Variants in MYO7B observed in about 807,000 individuals in gnomAD.
MYO7B encodes the protein myosin VIIB.
In MYO7B, 212 loss-of-function variants were observed where a neutral mutation model predicts 259.7. That is an observed-to-expected ratio of 0.82 (90% confidence interval 0.73 to 0.91). MYO7B has a LOEUF of 0.91. Among genes scored for constraint, MYO7B ranks in the 40% least tolerant of loss-of-function variants. The pLI is 0.00. For synonymous variants in MYO7B, 1,197 were observed against 1,166.4 expected, an observed-to-expected ratio of 1.03 and a Z score of -0.54; for missense variants, 2,732 against 2,813.5, an observed-to-expected ratio of 0.97 and a Z score of 0.66.
chr2:127,571,010 T>C (rs571708620), intron 6 of MYO7B, among the ~76,000 whole-genome samples: 9 of 152,246 alleles, frequency 5.9e-5, no homozygotes, highest in Non-Finnish European at 5.9e-5. Flanking sequence ...GGGTTGTTTA[T>C]CGTTTTTAGC....
chr2:127,551,393 C>T (rs1440378828), intron 1 of MYO7B, among the ~76,000 whole-genome samples: 1 of 152,182 alleles, frequency 6.6e-6, no homozygotes, highest in Non-Finnish European at 1.5e-5. Context: ...TCAGTTCTCA[C>T]AACACGGGCC....
intron 19 of MYO7B, among the ~76,000 whole-genome samples, chr2:127,602,918 T>C (rs1198896782): frequency 6.6e-6 from 1 of 151,846 alleles, no homozygotes; most frequent in Non-Finnish European, 1.5e-5. Flanking sequence ...GAGGATTACT[T>C]GAGCCTGGGA....
chr2:127,579,192 C>T (rs1441406985), intron 9 of MYO7B, among the ~76,000 whole-genome samples: 2 of 151,962 alleles, frequency 1.3e-5, no homozygotes, highest in Non-Finnish European at 2.9e-5. Context: ...AGGGAGCACA[C>T]CTTTCATTGG....
Position 127,584,288 on chromosome 2 carries a change from A to G in MYO7B, c.1510A>G (p.Met504Val), listed in dbSNP as rs1379655380. 6.2e-7 allele frequency: 1 copy of G among 1,613,992 alleles called. No homozygotes were observed. Among genetic ancestry groups the G allele is most frequent in the Non-Finnish European group, 8.5e-7 (1 of 1,179,886 alleles). The change falls in exon 13 of 48, where the codon ATG becomes GTG. Residue 504 changes from methionine to valine, a missense_variant. Physicochemically the swap from Met to Val is conservative, Grantham distance 21. Transcript: ENST00000409816. The surrounding 1 kb of genome is among the most constrained non-coding windows in gnomAD (Gnocchi z 5.8). ...CCTGGACCTGCTGGCCCTCAAGCCC[A>G]TGAGCATCATCTCCCTCCTGGACGA... ...PTLDLLALKP[M>V]SIISLLDEES...
chr2:127,613,086 T>C lies in MYO7B; in HGVS notation c.3398+483T>C, dbSNP rs1680449619. Among the ~76,000 whole-genome samples the C allele has an allele frequency of 6.6e-6, 1 of 152,228 alleles. No individual in the cohort carries two copies. Among genetic ancestry groups the C allele is most frequent in the Non-Finnish European group, 1.5e-5 (1 of 68,038 alleles). ...CTTTAAGGGACTGACTACTGTGTTT[T>C]AGGGGTTCACTTACTTTAGGTTAAT... On this transcript the variant is annotated intron_variant, in intron 26 of 47. Coordinates refer to ENST00000409816, the MANE Select transcript of MYO7B (RefSeq NM_001393586.1). The surrounding 1 kb of genome is among the most constrained non-coding windows in gnomAD (Gnocchi z 4.3).
At chr2:127,632,994 G>C (rs1573727219) in intron 39 of MYO7B, among the ~76,000 whole-genome samples, 2 of 152,178 alleles carry the variant, frequency 1.3e-5, no homozygotes, top group Non-Finnish European at 2.9e-5. Flanking sequence ...AGCCTTTCCT[G>C]CCGGCGCCTT....
chr2:127,631,016 G>A, intron 36 of MYO7B, 108 bp downstream of exon 36: 1 of 1,387,774 alleles, frequency 7.2e-7, no homozygotes, highest in Admixed American at 2.3e-5. Flanking sequence ...CACCCACTGA[G>A]AGCTGCAGAG....
At chr2:127,537,146 A>G (rs925035800) in intron 1 of MYO7B, among the ~76,000 whole-genome samples, 1 of 152,254 alleles carries the variant, frequency 6.6e-6, no homozygotes, top group Non-Finnish European at 1.5e-5. Context: ...GTTTGGCTTT[A>G]TAGACAGAAT....
chr2:127,546,762 GTCCATCCATCCATCCATCCATCCA>G lies in MYO7B; in HGVS notation c.-24+10950_-24+10973del, dbSNP rs3034060. The stretch of plus-strand genomic sequence containing the variant: ...ATGCCTCACCTGCTTTCCTGGGTAG[GTCCATCCATCCATCCATCCATCCA>G]TCCATCCATCCATCCATCAATCCAT... On this transcript the variant is annotated intron_variant, in intron 1 of 47. Transcript: ENST00000409816. The surrounding 1 kb of genome is among the most constrained non-coding windows in gnomAD (Gnocchi z 4.2). Among the ~76,000 whole-genome samples, 2 of 149,318 alleles carry G rather than the reference GTCCATCCATCCATCCATCCATCCA, an allele frequency of 1.3e-5. No homozygotes were observed. The highest frequency in any genetic ancestry group is 2.0e-4 in the East Asian group (1 of 5,020).
At position 127,636,625 on chromosome 2, in the gene MYO7B, C is replaced by T; in HGVS notation, c.6204C>T (p.Thr2068=). 3 of 1,612,214 alleles carry T rather than the reference C, an allele frequency of 1.9e-6. No individual in the cohort carries two copies. The highest frequency in any genetic ancestry group is 1.7e-6 in the Non-Finnish European group (2 of 1,179,116). ...GGGTTCTGCTCATCCACCCCAAGAC[C>T]AAGGTAGCTGCTGGGCCTCCGGAGG... ...RHGVLLIHPK[T]KDLLTTYPFT... is the part of the protein sequence containing the mutation. Residue 2068 remains threonine, a synonymous_variant, in exon 46 of 48, where the codon ACC becomes ACT. Transcript: ENST00000409816. This position sits in a 1 kb window ranked among gnomAD's most constrained non-coding sequence, Gnocchi z 4.5.
rs1244898387 is a variant in MYO7B, at chr2:127,576,784, G to A, written c.849+76G>A. 2.2e-5 allele frequency: 24 copies of A among 1,082,656 alleles called. No homozygotes were observed. Among genetic ancestry groups the A allele is most frequent in the East Asian group, 1.8e-4 (7 of 39,314 alleles). 67.1% of individuals were successfully genotyped at this position (1,082,656 alleles called of 1,614,324 possible). Reference sequence around the variant, plus strand: ...GAGCTTGTGCCGCTCCACCCTCCGCGACAGCTGCAGAGAAGCCCAACGCTG... The same window carrying A: ...GAGCTTGTGCCGCTCCACCCTCCGCAACAGCTGCAGAGAAGCCCAACGCTG... On this transcript the variant is annotated intron_variant, in intron 8 of 47. Coordinates refer to ENST00000409816, the MANE Select transcript of MYO7B (RefSeq NM_001393586.1). The surrounding 1 kb of genome is among the most constrained non-coding windows in gnomAD (Gnocchi z 4.9).
chr2:127,537,946 C>T (rs928979639), intron 1 of MYO7B, among the ~76,000 whole-genome samples: 3 of 152,188 alleles, frequency 2.0e-5, no homozygotes, highest in Non-Finnish European at 4.4e-5. Flanking sequence ...ATTGTAGACT[C>T]TGTTGTCTGC....
chr2:127,630,568 C>A (rs1006187044), intron 35 of MYO7B, among the ~76,000 whole-genome samples: 2 of 152,162 alleles, frequency 1.3e-5, no homozygotes, highest in African/African-American at 2.4e-5. Flanking sequence ...TTGGCACTCA[C>A]CCTCCCAAGG....
At position 127,628,372 on chromosome 2, in the gene MYO7B, G is replaced by A; in HGVS notation, c.4461G>A (p.Arg1487=). ...FPEVMGLATN[R]EAQGGQRLLL... is the part of the protein sequence containing the mutation. ...TGGTCACGCTGTCCTTCATCTCCAG[G>A]GAGGCCCAGGGCGGGCAGAGGCTGC... is the stretch of plus-strand genomic sequence containing the variant. Residue 1487 remains arginine (R), a splice_region_variant and synonymous_variant, in exon 34 of 48, where the codon AGG becomes AGA. Transcript: ENST00000409816. The surrounding 1 kb of genome is among the most constrained non-coding windows in gnomAD (Gnocchi z 4.8). The A allele has an allele frequency of 6.3e-7, 1 of 1,598,792 alleles. No homozygotes were observed. The highest frequency in any genetic ancestry group is 8.5e-7 in the Non-Finnish European group (1 of 1,175,122).
At chr2:127,538,035 C>T (rs1692857348) in intron 1 of MYO7B, among the ~76,000 whole-genome samples, 1 of 152,136 alleles carries the variant, frequency 6.6e-6, no homozygotes, top group Admixed American at 6.5e-5. Flanking sequence ...CCCATGTACA[C>T]CAGAGGCACA....
chr2:127,557,204 G>A (rs982226586), intron 1 of MYO7B, among the ~76,000 whole-genome samples: 5 of 152,026 alleles, frequency 3.3e-5, no homozygotes, highest in African/African-American at 9.7e-5. Flanking sequence ...AGACTTTCCA[G>A]AACATTTTGC....
chr2:127,537,798 C>T (rs1369310620), intron 1 of MYO7B, among the ~76,000 whole-genome samples: 1 of 152,130 alleles, frequency 6.6e-6, no homozygotes, highest in Admixed American at 6.6e-5. Flanking sequence ...GGCTGGGTTT[C>T]TCTGGGGTTT....
intron 1 of MYO7B, among the ~76,000 whole-genome samples, chr2:127,551,089 G>T (rs1456947333): frequency 6.6e-6 from 1 of 150,604 alleles, no homozygotes; most frequent in African/African-American, 2.4e-5. Context: ...GGGTGGGGGT[G>T]GGGCTTAAAC....
intron 1 of MYO7B, among the ~76,000 whole-genome samples, chr2:127,558,546 A>C (rs1007260950): frequency 6.6e-6 from 1 of 152,248 alleles, no homozygotes; most frequent in African/African-American, 2.4e-5. Flanking sequence ...ACTTGCACGC[A>C]CATGTTTATA....
Sources: gnomAD v4.1 joint callset for allele counts (sites outside exome capture counted in the v4.1 genomes callset) on GRCh38, gnomAD v4.1.1 for gene constraint, Gnocchi (gnomAD v3.1) non-coding constraint, MANE v1.5 for transcripts, NCBI Gene and HGNC (gene_info 2026-07-23, HGNC 2026-07-21) for gene names.